Variants in KRAS observed in about 807,000 individuals in gnomAD.
KRAS encodes GTPase KRas.
Under a neutral mutation model 21.0 loss-of-function variants are expected in KRAS, and 1 was observed. The observed-to-expected ratio is 0.05, with a 90% CI of 0.02 to 0.23. KRAS has a LOEUF of 0.23. Ranked by LOEUF, KRAS falls within the 10% of genes least tolerant of loss-of-function variation. The probability of loss-of-function intolerance (pLI) is 1.00; values close to 1 mark genes in which losing one functional copy is unlikely to be tolerated. For missense variants in KRAS, 107 were observed against 221.8 expected, an observed-to-expected ratio of 0.48 and a Z score of 3.29; for synonymous variants, 67 against 72.5, an observed-to-expected ratio of 0.92 and a Z score of 0.39.
chr12:25,231,560 G>A (rs568653228), intron 2 of KRAS, among the ~76,000 whole-genome samples: 3 of 152,062 alleles, frequency 2.0e-5, no homozygotes, highest in Non-Finnish European at 4.4e-5. Flanking sequence ...GAATACACCA[G>A]TGCGACCGAG....
intron 2 of KRAS, among the ~76,000 whole-genome samples, chr12:25,230,383 C>T (rs1445205575): frequency 6.6e-6 from 1 of 152,132 alleles, no homozygotes; most frequent in East Asian, 1.9e-4. Flanking sequence ...AATCCCAGCA[C>T]TTTGGGAGGC....
chr12:25,248,755 A>G (rs556860995), intron 1 of KRAS, among the ~76,000 whole-genome samples: 3 of 152,154 alleles, frequency 2.0e-5, no homozygotes, highest in South Asian at 4.2e-4. Flanking sequence ...GCTAGTAAGG[A>G]GTGGACTGGA....
At chr12:25,233,222 T>C (rs61761154) in intron 2 of KRAS, among the ~76,000 whole-genome samples, 12,752 of 152,112 alleles carry the variant, frequency 0.084, 576 homozygotes, top group South Asian at 0.096. Flanking sequence ...TCTCACAATA[T>C]AGTCTCCACA....
At chr12:25,250,648 T>G (rs1437697191) in intron 1 of KRAS, 103 bp downstream of exon 1, 1 of 115,178 alleles carries the variant, frequency 8.7e-6, no homozygotes, top group Non-Finnish European at 1.9e-5. Context: ...CACCCGCCCC[T>G]CCGGGGACCC....
intron 4 of KRAS, among the ~76,000 whole-genome samples, chr12:25,214,980 T>C (rs1002886795): frequency 6.6e-6 from 1 of 152,088 alleles, no homozygotes; most frequent in African/African-American, 2.4e-5. Context: ...AGTTATTATT[T>C]GCTTGTAAAA....
intron 1 of KRAS, among the ~76,000 whole-genome samples, chr12:25,247,171 T>A (rs1349269062): frequency 6.6e-6 from 1 of 152,090 alleles, no homozygotes; most frequent in East Asian, 1.9e-4. Context: ...CAGAAAAAAA[T>A]GGGAGTAAAT....
At chr12:25,214,115 G>T (rs1403249707) in intron 4 of KRAS, among the ~76,000 whole-genome samples, 1 of 152,224 alleles carries the variant, frequency 6.6e-6, no homozygotes. Context: ...AGGGTTTAAA[G>T]AAAGGTTTTT....
In KRAS at chr12:25,225,629, T is replaced by C. The variant is rs2141505615; in HGVS notation, c.435A>G (p.Ser145=). 1 of 1,613,142 alleles carries C rather than the reference T, an allele frequency of 6.2e-7. No homozygotes were observed. The highest frequency in any genetic ancestry group is 8.5e-7 in the Non-Finnish European group (1 of 1,179,452). Residue 145 remains serine, a synonymous_variant, in exon 4 of 5, where the codon TCA becomes TCG. Coordinates refer to ENST00000311936, the MANE Select transcript of KRAS (RefSeq NM_004985.5). ...RSYGIPFIET[S]AKTRQGVDDA... Reference sequence around the variant, plus strand: ...TGTTACTTACCTGTCTTGTCTTTGCTGATGTTTCAATAAAAGGAATTCCAT... The same window carrying C: ...TGTTACTTACCTGTCTTGTCTTTGCCGATGTTTCAATAAAAGGAATTCCAT...
intron 3 of KRAS, among the ~76,000 whole-genome samples, chr12:25,226,168 A>G (rs1040611139): frequency 6.6e-6 from 1 of 152,228 alleles, no homozygotes; most frequent in South Asian, 2.1e-4. Context: ...AAGCATTAAC[A>G]TAATTTTCAT....
intron 1 of KRAS, among the ~76,000 whole-genome samples, chr12:25,246,865 C>T (rs1415441692): frequency 3.3e-5 from 5 of 150,800 alleles, no homozygotes; most frequent in Middle Eastern, 3.2e-3. Context: ...TGCAGTGAGC[C>T]GAGATCACGC....
intron 4 of KRAS, among the ~76,000 whole-genome samples, chr12:25,216,483 C>T (rs890918401): frequency 2.6e-5 from 4 of 152,046 alleles, no homozygotes; most frequent in Admixed American, 6.6e-5. Context: ...CCATGTTGCC[C>T]GGGCTGGTCT....
chr12:25,228,888 A>G (rs1461519966), intron 2 of KRAS, among the ~76,000 whole-genome samples: 1 of 152,124 alleles, frequency 6.6e-6, no homozygotes, highest in East Asian at 1.9e-4. Context: ...GTGAAACCCC[A>G]TCTCTATTAA....
chr12:25,241,129 A>AT (rs1951604552), intron 2 of KRAS, among the ~76,000 whole-genome samples: 1 of 152,188 alleles, frequency 6.6e-6, no homozygotes, highest in Non-Finnish European at 1.5e-5. Flanking sequence ...ATTTTCTTAT[A>AT]TACTGCCTCG....
Position 25,205,691 on chromosome 12 carries a change from G to T in KRAS, c.*4104C>A, listed in dbSNP as rs918952886. The stretch of plus-strand genomic sequence containing the variant: ...AACCCAGTTAGCTCTGTGGGGGTGT[G>T]GGGGGAGAGATGGGCCCTCAACATA... On this transcript the variant is annotated 3_prime_UTR_variant, in exon 5 of 5. Transcript: ENST00000311936. The T allele has an allele frequency of 1.3e-5, 3 of 223,118 alleles. No individual in the cohort carries two copies. The highest frequency in any genetic ancestry group is 1.8e-5 in the Non-Finnish European group (2 of 112,488). The allele number at this position is 223,118 out of a possible 1,614,324, so 13.8% of individuals were successfully genotyped here. A position where few individuals can be genotyped will look rare whatever the true frequency, so the allele number is the denominator to read the frequency against.
chr12:25,231,648 G>A lies in KRAS; in HGVS notation c.112-4236C>T, dbSNP rs145724070. 3.6e-3 allele frequency among the ~76,000 whole-genome samples: 540 copies of A among 151,688 alleles called. 5 individuals carry two copies. The highest frequency in any genetic ancestry group is 0.013 in the African/African-American group (519 of 41,308). On this transcript the variant is annotated intron_variant, in intron 2 of 4. Transcript: ENST00000311936. ...TTCCCTACCAGACCTTAAAAATATC[G>A]ATAGCAAAGTTCTGAGACACATTCC... is the stretch of plus-strand genomic sequence containing the variant.
chr12:25,223,974 G>C (rs1394811394), intron 4 of KRAS, among the ~76,000 whole-genome samples: 2 of 151,984 alleles, frequency 1.3e-5, no homozygotes, highest in Non-Finnish European at 2.9e-5. Context: ...GTCCACAGGA[G>C]ATTGCATATG....
rs121913527 is a variant in KRAS, at chr12:25,225,628, C to T, written c.436G>A (p.Ala146Thr). 3 of 1,612,834 alleles carry T rather than the reference C, an allele frequency of 1.9e-6. No individual in the cohort carries two copies. The highest frequency in any genetic ancestry group is 1.7e-6 in the Non-Finnish European group (2 of 1,179,412). The part of the protein sequence containing the change: ...SYGIPFIETS[A>T]KTRQGVDDAF... The stretch of plus-strand genomic sequence containing the variant: ...GTGTTACTTACCTGTCTTGTCTTTG[C>T]TGATGTTTCAATAAAAGGAATTCCA... The change falls in exon 4 of 5, where the codon GCA becomes ACA. Residue 146 changes from alanine to threonine, a missense_variant. By Grantham distance (58) the Ala-to-Thr change is moderately conservative. Coordinates refer to ENST00000311936, the MANE Select transcript of KRAS (RefSeq NM_004985.5).
intron 1 of KRAS, among the ~76,000 whole-genome samples, chr12:25,249,138 G>C (rs762716785): frequency 6.7e-6 from 1 of 149,524 alleles, no homozygotes; most frequent in African/African-American, 2.4e-5. Context: ...TCAGCTATAA[G>C]ATGCACATGC....
In KRAS at chr12:25,206,637, T is replaced by C; in HGVS notation, c.*3158A>G. On this transcript the variant is annotated 3_prime_UTR_variant, in exon 5 of 5. Coordinates refer to ENST00000311936, the MANE Select transcript of KRAS (RefSeq NM_004985.5). ...AAGTATGGCCATTTCTTTCTCTGTG[T>C]AGAAACGAGGTACTGTGTAAGTCTT... The C allele has an allele frequency of 4.9e-6, 1 of 202,040 alleles. No individual in the cohort carries two copies. Among genetic ancestry groups the C allele is most frequent in the African/African-American group, 2.3e-5 (1 of 43,756 alleles). 12.5% of individuals were successfully genotyped at this position (202,040 alleles called of 1,614,324 possible).
Sources: gnomAD v4.1 joint callset for allele counts (sites outside exome capture counted in the v4.1 genomes callset) on GRCh38, gnomAD v4.1.1 for gene constraint, MANE v1.5 for transcripts, NCBI Gene and HGNC (gene_info 2026-07-23, HGNC 2026-07-21) for gene names.